Variants in ERC2 observed in about 807,000 individuals in gnomAD.
ERC2 encodes the protein ELKS/RAB6-interacting/CAST family member 2.
A neutral mutation model predicts 114.8 loss-of-function variants in ERC2; 42 were observed. The observed-to-expected ratio is 0.37, with a 90% CI of 0.29 to 0.47. The LOEUF is 0.47. Among genes scored for constraint, ERC2 ranks in the 20% least tolerant of loss-of-function variants. ERC2 has a pLI of 0.99. For synonymous variants in ERC2, 454 were observed against 425.5 expected (o/e 1.07, Z -0.82); for missense variants, 939 against 1,150.7 (o/e 0.82, Z 2.66).
chr3:56,146,747 C>T (rs1448626884), intron 5 of ERC2, among the ~76,000 whole-genome samples: 1 of 152,172 alleles, frequency 6.6e-6, no homozygotes, highest in African/African-American at 2.4e-5. Context: ...CTCCTCAAGT[C>T]ACTCCCTATA....
At chr3:56,146,820 T>C (rs1375096857) in intron 5 of ERC2, among the ~76,000 whole-genome samples, 2 of 152,188 alleles carry the variant, frequency 1.3e-5, no homozygotes, top group African/African-American at 4.8e-5. Flanking sequence ...CTGCACTCTT[T>C]CCACCTCACT....
At chr3:55,807,023 G>C (rs1003606143) in intron 14 of ERC2, among the ~76,000 whole-genome samples, 1 of 152,188 alleles carries the variant, frequency 6.6e-6, no homozygotes, top group African/African-American at 2.4e-5. Flanking sequence ...AGAGATACAT[G>C]ATGGCTAAAG....
chr3:56,443,583 C>T (rs552570782), intron 1 of ERC2, among the ~76,000 whole-genome samples: 4 of 152,108 alleles, frequency 2.6e-5, no homozygotes, highest in Admixed American at 6.5e-5. Flanking sequence ...TTGAGTCACT[C>T]GCACCCTCCC....
At chr3:56,198,478 G>C (rs959475803) in intron 3 of ERC2, among the ~76,000 whole-genome samples, 1 of 152,180 alleles carries the variant, frequency 6.6e-6, no homozygotes, top group Non-Finnish European at 1.5e-5. Flanking sequence ...TGCGGCCTGA[G>C]CTATGGCAGA....
chr3:55,934,958 G>A (rs1345731986), intron 13 of ERC2, among the ~76,000 whole-genome samples: 1 of 152,198 alleles, frequency 6.6e-6, no homozygotes, highest in East Asian at 1.9e-4. Flanking sequence ...ATGCCAGACT[G>A]TTCCCATCTC....
chr3:56,001,514 G>C (rs2072057519), intron 10 of ERC2, among the ~76,000 whole-genome samples: 1 of 152,054 alleles, frequency 6.6e-6, no homozygotes, highest in East Asian at 1.9e-4. Context: ...TAATTAACTT[G>C]AGGAGAAAAG....
intron 3 of ERC2, among the ~76,000 whole-genome samples, chr3:56,275,647 T>C (rs1002108053): frequency 2.0e-5 from 3 of 152,202 alleles, no homozygotes; most frequent in African/African-American, 7.2e-5. Context: ...CTTGTTACAA[T>C]GCAGATTCTA....
chr3:56,445,826 A>G (rs951206559), intron 1 of ERC2, among the ~76,000 whole-genome samples: 2 of 152,128 alleles, frequency 1.3e-5, no homozygotes, highest in African/African-American at 4.8e-5. Context: ...CTTACATGAT[A>G]GTTTCAATAG....
chr3:55,848,894 A>C (rs1173049660), intron 14 of ERC2, among the ~76,000 whole-genome samples: 1 of 152,172 alleles, frequency 6.6e-6, no homozygotes, highest in Non-Finnish European at 1.5e-5. Context: ...CATCTTCTTC[A>C]CTACAGTGTG....
chr3:55,931,740 T>C (rs995613232), intron 13 of ERC2, among the ~76,000 whole-genome samples: 33 of 151,946 alleles, frequency 2.2e-4, no homozygotes, highest in African/African-American at 7.5e-4. Context: ...ATCCCAGAAC[T>C]TAAAGTATAA....
chr3:56,377,621 T>G (rs1410180460), intron 2 of ERC2, among the ~76,000 whole-genome samples: 2 of 152,178 alleles, frequency 1.3e-5, no homozygotes, highest in Admixed American at 6.5e-5. Flanking sequence ...TTTCACACAT[T>G]AGGCCCCCCA....
intron 4 of ERC2, among the ~76,000 whole-genome samples, chr3:56,172,472 G>A (rs963743274): frequency 6.6e-6 from 1 of 152,122 alleles, no homozygotes; most frequent in Non-Finnish European, 1.5e-5. Flanking sequence ...TTGGGAATTT[G>A]GGGGCAGATA....
chr3:56,032,915 G>GAAA (rs1237831764), intron 7 of ERC2, among the ~76,000 whole-genome samples: 1 of 66,568 alleles, frequency 1.5e-5, no homozygotes, highest in African/African-American at 4.7e-5. Flanking sequence ...AAGAAAGAAA[G>GAAA]AAAGAAAGAA....
chr3:56,458,283 A>T (rs1404904193), intron 1 of ERC2, among the ~76,000 whole-genome samples: 2 of 152,328 alleles, frequency 1.3e-5, no homozygotes, highest in Admixed American at 6.5e-5. Flanking sequence ...AGCAAATTGG[A>T]CTAGATGATA....
At chr3:56,051,904 G>C (rs1231295350) in intron 7 of ERC2, among the ~76,000 whole-genome samples, 1 of 151,432 alleles carries the variant, frequency 6.6e-6, no homozygotes, top group Non-Finnish European at 1.5e-5. Flanking sequence ...ACATTTATTT[G>C]TCAGAGTTAG....
At chr3:56,373,511 G>T (rs1376632471) in intron 2 of ERC2, among the ~76,000 whole-genome samples, 1 of 152,172 alleles carries the variant, frequency 6.6e-6, no homozygotes, top group South Asian at 2.1e-4. Context: ...CTCAACAGGG[G>T]ATTAGTTGGA....
chr3:55,617,391 T>G (rs2059164110), intron 17 of ERC2, among the ~76,000 whole-genome samples: 1 of 152,194 alleles, frequency 6.6e-6, no homozygotes, highest in Non-Finnish European at 1.5e-5. Flanking sequence ...ACAATGAGCA[T>G]CGTGGGGCAC....
At chr3:55,858,084 T>C in intron 14 of ERC2, among the ~76,000 whole-genome samples, 1 of 152,324 alleles carries the variant, frequency 6.6e-6, no homozygotes, top group South Asian at 2.1e-4. Context: ...TATAAATATA[T>C]GTATATACAT....
chr3:55,537,529 A>C (rs2107315984), intron 17 of ERC2, among the ~76,000 whole-genome samples: 1 of 152,314 alleles, frequency 6.6e-6, no homozygotes. Flanking sequence ...TAGAAAAATG[A>C]TCGGTGTCTC....
Sources: allele counts gnomAD v4.1 joint callset (sites outside exome capture counted in the v4.1 genomes callset), GRCh38; gene constraint gnomAD v4.1.1; transcripts MANE v1.5; gene names NCBI Gene and HGNC (gene_info 2026-07-23, HGNC 2026-07-21).